The following RAB3B variants were observed in gnomAD, a reference collection of about 807,000 sequenced individuals.
RAB3B encodes the protein ras-related protein Rab-3B.
Under a neutral mutation model 20.5 loss-of-function variants are expected in RAB3B, and 11 were observed. The observed-to-expected ratio is 0.54, with a 90% CI of 0.34 to 0.89. The LOEUF (loss-of-function observed/expected upper bound fraction) is 0.89, where lower values mean the gene tolerates loss of function less well. Ranked by LOEUF, RAB3B falls within the 40% of genes least tolerant of loss-of-function variation. The pLI, the probability that RAB3B is intolerant of heterozygous loss-of-function variation, is 0.02. For synonymous variants in RAB3B, 99 were observed against 106.3 expected (o/e 0.93, Z 0.42); for missense variants, 225 against 280.9 (o/e 0.80, Z 1.42).
In RAB3B at chr1:51,912,554, A is replaced by ATAT. The variant is rs1553226899; in HGVS notation, c.*7372_*7373insATA. 5 of 15,496 alleles carry ATAT rather than the reference A, an allele frequency of 3.2e-4. No homozygotes were observed. Among genetic ancestry groups the ATAT allele is most frequent in the Non-Finnish European group, 4.4e-4 (3 of 6,826 alleles). The allele number at this position is 15,496 out of a possible 1,614,324, so 1.0% of individuals were successfully genotyped here. A position where few individuals can be genotyped will look rare whatever the true frequency, so the allele number is the denominator to read the frequency against. On this transcript the variant is annotated 3_prime_UTR_variant, in exon 5 of 5. Transcript: ENST00000371655. The stretch of plus-strand genomic sequence containing the variant: ...AGACCGTCTCTATTAAAAAAAAAAA[A>ATAT]ATATATATATATATATATATATATA...
At chr1:51,935,568 G>A (rs1344251856) in intron 3 of RAB3B, among the ~76,000 whole-genome samples, 2 of 152,094 alleles carry the variant, frequency 1.3e-5, no homozygotes, top group South Asian at 4.1e-4. Context: ...TCCCAGGTTA[G>A]CAACAAACTC....
intron 3 of RAB3B, among the ~76,000 whole-genome samples, chr1:51,935,123 T>G (rs1192709989): frequency 6.6e-6 from 1 of 152,222 alleles, no homozygotes; most frequent in Non-Finnish European, 1.5e-5. Flanking sequence ...CAGTGAATGC[T>G]GATAAATGAA....
At chr1:51,985,399 G>A (rs1239908060) in intron 1 of RAB3B, among the ~76,000 whole-genome samples, 1 of 152,118 alleles carries the variant, frequency 6.6e-6, no homozygotes, top group Non-Finnish European at 1.5e-5. Context: ...CACATATAGA[G>A]CATTTTTCAA....
intron 1 of RAB3B, among the ~76,000 whole-genome samples, chr1:51,987,970 T>C (rs1291302600): frequency 1.3e-5 from 2 of 152,138 alleles, no homozygotes; most frequent in Non-Finnish European, 2.9e-5. Flanking sequence ...TTCAGGTTCC[T>C]GGGCTCAAGC....
At chr1:51,950,447 T>A (rs572279594) in intron 2 of RAB3B, among the ~76,000 whole-genome samples, 2 of 152,348 alleles carry the variant, frequency 1.3e-5, no homozygotes, top group South Asian at 4.1e-4. Context: ...ACCTGCCACA[T>A]ACTAGGAACT....
At chr1:51,924,780 C>CA (rs768221605) in intron 4 of RAB3B, among the ~76,000 whole-genome samples, 6 of 152,176 alleles carry the variant, frequency 3.9e-5, no homozygotes, top group Non-Finnish European at 5.9e-5. Flanking sequence ...CAATTACTGT[C>CA]AGATTCCTGA....
chr1:51,913,620 C>T lies in RAB3B; in HGVS notation c.*6307G>A, dbSNP rs1000213427. The T allele has an allele frequency of 1.1e-4, 17 of 152,012 alleles. No homozygotes were observed. The highest frequency in any genetic ancestry group is 2.1e-4 in the Non-Finnish European group (14 of 68,034). 9.4% of individuals were successfully genotyped at this position (152,012 alleles called of 1,614,324 possible). A position where few individuals can be genotyped will look rare whatever the true frequency, so the allele number is the denominator to read the frequency against. On this transcript the variant is annotated 3_prime_UTR_variant, in exon 5 of 5. Transcript: ENST00000371655. The stretch of plus-strand genomic sequence containing the variant: ...CCAAATAGCTGGGATTACAGATGCC[C>T]GCCACCACACCCAGCTAATTTTTGT...
intron 2 of RAB3B, among the ~76,000 whole-genome samples, chr1:51,945,880 C>T (rs1684557765): frequency 6.6e-6 from 1 of 152,216 alleles, no homozygotes; most frequent in Admixed American, 6.5e-5. Flanking sequence ...TGCCATTCAT[C>T]AGCAATGTGA....
intron 4 of RAB3B, among the ~76,000 whole-genome samples, chr1:51,922,994 G>T (rs1039512674): frequency 2.0e-5 from 3 of 152,218 alleles, no homozygotes; most frequent in African/African-American, 7.2e-5. Context: ...ACAGTGACTG[G>T]CCCACCAAGT....
chr1:51,979,579 C>A (rs1366532537), intron 1 of RAB3B, among the ~76,000 whole-genome samples: 1 of 151,930 alleles, frequency 6.6e-6, no homozygotes, highest in Non-Finnish European at 1.5e-5. Flanking sequence ...CCACATTATG[C>A]TTTTTCTACA....
At chr1:51,987,838 A>C (rs1195607385) in intron 1 of RAB3B, among the ~76,000 whole-genome samples, 1 of 152,108 alleles carries the variant, frequency 6.6e-6, no homozygotes, top group East Asian at 1.9e-4. Flanking sequence ...GGTCCTCTGA[A>C]TATACAGACT....
chr1:51,937,198 T>A, intron 3 of RAB3B, 96 bp downstream of exon 3: 2 of 911,218 alleles, frequency 2.2e-6, no homozygotes, highest in Non-Finnish European at 3.4e-6. Flanking sequence ...CATGTCTGAT[T>A]CATCTGGGCT....
intron 1 of RAB3B, among the ~76,000 whole-genome samples, chr1:51,986,193 C>A: frequency 6.8e-6 from 1 of 146,544 alleles, no homozygotes; most frequent in Non-Finnish European, 1.5e-5. Context: ...CTCTGTCGCC[C>A]AGGCTGGAGG....
At chr1:51,925,753 C>G (rs1684235373) in intron 4 of RAB3B, among the ~76,000 whole-genome samples, 1 of 152,208 alleles carries the variant, frequency 6.6e-6, no homozygotes, top group African/African-American at 2.4e-5. Context: ...TCTCATGGCA[C>G]TTTGTGTGAT....
intron 2 of RAB3B, among the ~76,000 whole-genome samples, chr1:51,942,292 C>T (rs1684504749): frequency 6.6e-6 from 1 of 152,194 alleles, no homozygotes; most frequent in African/African-American, 2.4e-5. Flanking sequence ...TGGAGCCTAG[C>T]CCTGTGCCCA....
chr1:51,933,801 C>A (rs1375687147), intron 3 of RAB3B, among the ~76,000 whole-genome samples: 1 of 152,148 alleles, frequency 6.6e-6, no homozygotes, highest in Non-Finnish European at 1.5e-5. Flanking sequence ...GTTATAGCAG[C>A]CCAAACTGAC....
chr1:51,934,615 A>T (rs996260184), intron 3 of RAB3B, among the ~76,000 whole-genome samples: 5 of 144,222 alleles, frequency 3.5e-5, no homozygotes, highest in South Asian at 4.3e-4. Flanking sequence ...ACTAAAAATT[A>T]AAAAAAAAAA....
chr1:51,918,272 T>G lies in RAB3B; in HGVS notation c.*1655A>C, dbSNP rs1365244995. ...TCAATTTTTTCAGAGTCATGCCACC[T>G]TAAGATTTATTTTGCTTTGAATCAT... On this transcript the variant is annotated 3_prime_UTR_variant, in exon 5 of 5. Coordinates refer to ENST00000371655, the MANE Select transcript of RAB3B (RefSeq NM_002867.4). The G allele has an allele frequency of 6.6e-6, 1 of 152,206 alleles. No homozygotes were observed. The highest frequency in any genetic ancestry group is 1.5e-5 in the Non-Finnish European group (1 of 68,042). 9.4% of individuals were successfully genotyped at this position (152,206 alleles called of 1,614,324 possible). A position where few individuals can be genotyped will look rare whatever the true frequency, so the allele number is the denominator to read the frequency against.
chr1:51,976,509 T>A (rs187748606), intron 2 of RAB3B, among the ~76,000 whole-genome samples: 7 of 152,286 alleles, frequency 4.6e-5, no homozygotes, highest in African/African-American at 1.7e-4. Context: ...AGCCTTATGA[T>A]GTAGATGCTA....
Sources: gnomAD v4.1 joint callset for allele counts (sites outside exome capture counted in the v4.1 genomes callset) on GRCh38, gnomAD v4.1.1 for gene constraint, MANE v1.5 for transcripts, NCBI Gene and HGNC (gene_info 2026-07-23, HGNC 2026-07-21) for gene names.